HERC5: variants seen among roughly 807,000 people sequenced by gnomAD.
The protein encoded by HERC5 is HECT and RLD domain containing E3 ubiquitin protein ligase 5.
In HERC5, 99 loss-of-function variants were observed where a neutral mutation model predicts 119.6. The observed-to-expected ratio is 0.83, with a 90% confidence interval of 0.70 to 0.98. The LOEUF (loss-of-function observed/expected upper bound fraction) is 0.98, where lower values mean the gene tolerates loss of function less well. Ranked by LOEUF, HERC5 falls within the 50% of genes least tolerant of loss-of-function variation. The probability of loss-of-function intolerance (pLI) is 0.00; values close to 1 mark genes in which losing one functional copy is unlikely to be tolerated. For synonymous variants in HERC5, 478 were observed against 445.9 expected (o/e 1.07, Z -0.91); for missense variants, 1,267 against 1,241.3 (o/e 1.02, Z -0.31).
intron 18 of HERC5, among the ~76,000 whole-genome samples, chr4:88,494,854 C>T (rs1200841480): frequency 6.6e-6 from 1 of 152,210 alleles, no homozygotes; most frequent in African/African-American, 2.4e-5. Context: ...TCTTCAATCT[C>T]ACCAGTGCTC....
intron 4 of HERC5, 103 bp from the exon 5 acceptor site, chr4:88,463,429 T>C (rs1740520774): frequency 2.8e-6 from 2 of 712,090 alleles, no homozygotes; most frequent in Admixed American, 2.3e-5. Flanking sequence ...CAGAATATCA[T>C]GAGAACTGTT....
Position 88,457,543 on chromosome 4 carries a change from G to C in HERC5, c.265+9G>C. ...CGGCGCCCGGACGCCGAGTGAGTGGGGCTGGTGTGTGAGGGCTGTGAGGGC... is the reference window on the plus strand; with the variant it reads ...CGGCGCCCGGACGCCGAGTGAGTGGCGCTGGTGTGTGAGGGCTGTGAGGGC... On this transcript the variant is annotated intron_variant, in intron 1 of 22. Coordinates refer to ENST00000264350, the MANE Select transcript of HERC5 (RefSeq NM_016323.4). 1 of 1,265,766 alleles carries C rather than the reference G, an allele frequency of 7.9e-7. No individual in the cohort carries two copies. The highest frequency in any genetic ancestry group is 9.9e-7 in the Non-Finnish European group (1 of 1,005,324). The allele number at this position is 1,265,766 out of a possible 1,614,324, so 78.4% of individuals were successfully genotyped here.
At chr4:88,499,537 C>G (rs141433499) in intron 18 of HERC5, among the ~76,000 whole-genome samples, 2 of 152,200 alleles carry the variant, frequency 1.3e-5, no homozygotes, top group Admixed American at 1.3e-4. Context: ...GTTACTGATA[C>G]CTGAAATTTA....
At chr4:88,467,020 G>C in intron 6 of HERC5, 39 bp from the exon 7 acceptor site, 5 of 1,604,938 alleles carry the variant, frequency 3.1e-6, no homozygotes, top group Non-Finnish European at 4.3e-6. Flanking sequence ...CATCATTGTG[G>C]ATAATTAAGA....
intron 2 of HERC5, 85 bp downstream of exon 2, chr4:88,459,555 C>T (rs1161593404): frequency 2.3e-6 from 2 of 886,958 alleles, no homozygotes; most frequent in Non-Finnish European, 3.3e-6. Flanking sequence ...ATTCTTGTCC[C>T]CTGCTTTATA....
intron 14 of HERC5, 141 bp downstream of exon 14, chr4:88,486,369 A>G (rs1741466342): frequency 1.8e-6 from 1 of 549,350 alleles, no homozygotes; most frequent in African/African-American, 1.9e-5. Flanking sequence ...GCAATTTTGC[A>G]GTCAGAGTTC....
chr4:88,473,279 C>CT (rs1553922564), intron 11 of HERC5: 1 of 151,386 alleles, frequency 6.6e-6, no homozygotes, highest in East Asian at 1.9e-4. Flanking sequence ...ACTGTAGTTC[C>CT]TTCTTTCTTT....
chr4:88,504,032 A>G (rs1249773404), intron 20 of HERC5, among the ~76,000 whole-genome samples, 200 bp from the exon 21 acceptor site: 1 of 151,952 alleles, frequency 6.6e-6, no homozygotes, highest in East Asian at 1.9e-4. Flanking sequence ...GCACCACTGC[A>G]TTCCAGCCCA....
At chr4:88,505,522 A>G in intron 22 of HERC5, 151 bp from the exon 23 acceptor site, 2 of 597,602 alleles carry the variant, frequency 3.3e-6, no homozygotes, top group African/African-American at 1.9e-5. Flanking sequence ...TGTGTCAGAC[A>G]TTGTTCGAAT....
intron 18 of HERC5, 32 bp from the exon 19 acceptor site, chr4:88,499,893 AC>A: frequency 6.9e-7 from 1 of 1,458,768 alleles, no homozygotes. Context: ...CATGGTTATT[AC>A]CTTTTTAAAA....
chr4:88,483,705 T>G (rs1004579063), intron 13 of HERC5, among the ~76,000 whole-genome samples: 1 of 151,634 alleles, frequency 6.6e-6, no homozygotes, highest in South Asian at 2.1e-4. Context: ...ATTTTTGAGT[T>G]TTTTGTAGAG....
At chr4:88,477,680 A>G (rs1363354755) in intron 12 of HERC5, among the ~76,000 whole-genome samples, 1 of 152,074 alleles carries the variant, frequency 6.6e-6, no homozygotes, top group African/African-American at 2.4e-5. Context: ...CCACATCCAG[A>G]TAGTCTGACC....
At chr4:88,498,441 C>A (rs901456881) in intron 18 of HERC5, among the ~76,000 whole-genome samples, 1 of 152,150 alleles carries the variant, frequency 6.6e-6, no homozygotes, top group African/African-American at 2.4e-5. Flanking sequence ...TATTCTCAAG[C>A]CTTAAGATTT....
intron 6 of HERC5, 38 bp from the exon 7 acceptor site, chr4:88,467,021 A>G (rs1179063720): frequency 6.2e-7 from 1 of 1,604,206 alleles, no homozygotes; most frequent in South Asian, 1.1e-5. Flanking sequence ...ATCATTGTGG[A>G]TAATTAAGAA....
intron 9 of HERC5, 67 bp from the exon 10 acceptor site, chr4:88,470,547 A>G: frequency 1.2e-6 from 1 of 800,490 alleles, no homozygotes; most frequent in Non-Finnish European, 2.1e-6. Flanking sequence ...CTCATGCTGT[A>G]AAGAAAGAGG....
rs1353754224 is a variant in HERC5, at chr4:88,457,259, G to A, written c.-11G>A. On this transcript the variant is annotated 5_prime_UTR_variant, in exon 1 of 23. Coordinates refer to ENST00000264350, the MANE Select transcript of HERC5 (RefSeq NM_016323.4). ...CTCTCGCCTCTGGGCCTGGGACCCC[G>A]CAAAGCGGCGATGGAGCGGAGGTCG... 1.8e-5 allele frequency: 24 copies of A among 1,324,984 alleles called. No individual in the cohort carries two copies. The Admixed American group carries it at 6.9e-4, about 38-fold the overall frequency. 82.1% of individuals were successfully genotyped at this position (1,324,984 alleles called of 1,614,324 possible). A position where few individuals can be genotyped will look rare whatever the true frequency, so the allele number is the denominator to read the frequency against.
intron 12 of HERC5, among the ~76,000 whole-genome samples, chr4:88,478,531 A>G (rs1274201086): frequency 6.6e-6 from 1 of 152,170 alleles, no homozygotes; most frequent in Non-Finnish European, 1.5e-5. Context: ...ATAAGACAAC[A>G]GGAGGACTGT....
chr4:88,467,597 G>GT (rs1238162850), intron 7 of HERC5, among the ~76,000 whole-genome samples: 1 of 152,186 alleles, frequency 6.6e-6, no homozygotes, highest in Non-Finnish European at 1.5e-5. Context: ...AGCAATCAAC[G>GT]TATACCTGGC....
intron 12 of HERC5, among the ~76,000 whole-genome samples, chr4:88,479,073 G>C (rs1741179038): frequency 6.6e-6 from 1 of 152,056 alleles, no homozygotes; most frequent in African/African-American, 2.4e-5. Flanking sequence ...ATCACCTGAG[G>C]TCAGGAGTTC....
Sources: allele counts gnomAD v4.1 joint callset (sites outside exome capture counted in the v4.1 genomes callset), GRCh38; gene constraint gnomAD v4.1.1; transcripts MANE v1.5; gene names NCBI Gene and HGNC (gene_info 2026-07-23, HGNC 2026-07-21).